Variants in CSMD2 observed in about 807,000 individuals in gnomAD.
CSMD2 encodes CUB and sushi domain-containing protein 2.
CSMD2 carries 130 observed loss-of-function variants against 398.5 expected under a neutral mutation model. The observed-to-expected ratio is 0.33, with a 90% CI of 0.28 to 0.38. The LOEUF (loss-of-function observed/expected upper bound fraction) is 0.38, where lower values mean the gene tolerates loss of function less well. Among genes scored for constraint, CSMD2 ranks in the 10% least tolerant of loss-of-function variants. The pLI is 1.00. For missense variants in CSMD2, 3,829 were observed against 4,764.9 expected (o/e 0.80, Z 5.78); for synonymous variants, 1,828 against 1,908.5 (o/e 0.96, Z 1.10).
At chr1:33,956,911 C>T (rs1344235693) in intron 3 of CSMD2, among the ~76,000 whole-genome samples, 1 of 152,090 alleles carries the variant, frequency 6.6e-6, no homozygotes, top group Non-Finnish European at 1.5e-5. Flanking sequence ...ACCCTCCTGT[C>T]CTGGACCTGC....
chr1:33,684,972 C>G (rs1645020601), intron 25 of CSMD2, among the ~76,000 whole-genome samples: 1 of 152,248 alleles, frequency 6.6e-6, no homozygotes, highest in Admixed American at 6.5e-5. Flanking sequence ...TATTGAGGCT[C>G]TAAAAGCAAA....
chr1:34,047,934 T>C lies in CSMD2; in HGVS notation c.405-15228A>G, dbSNP rs115440143. On this transcript the variant is annotated intron_variant, in intron 2 of 70. Coordinates refer to ENST00000373381, the MANE Select transcript of CSMD2 (RefSeq NM_001281956.2). The stretch of plus-strand genomic sequence containing the variant: ...CCACTTGTTTGCCATGACTGCTTAA[T>C]TACCAGTCTCCCCAAGAGAGGGGAT... 7.1e-3 allele frequency among the ~76,000 whole-genome samples: 1,079 copies of C among 152,352 alleles called. 10 individuals carry two copies. The highest frequency in any genetic ancestry group is 0.011 in the Non-Finnish European group (716 of 68,034).
intron 44 of CSMD2, among the ~76,000 whole-genome samples, chr1:33,593,214 CTGT>C (rs777026427): frequency 3.9e-5 from 6 of 152,138 alleles, no homozygotes; most frequent in Non-Finnish European, 5.9e-5. Flanking sequence ...TTGATTGTTA[CTGT>C]TGTTGTTTAT....
chr1:33,758,982 G>A (rs568984143), intron 13 of CSMD2, among the ~76,000 whole-genome samples: 3 of 152,292 alleles, frequency 2.0e-5, no homozygotes, highest in East Asian at 3.9e-4. Flanking sequence ...CTTGAGATAT[G>A]AGTAATAAAT....
In CSMD2 at chr1:33,515,422, A is replaced by C. The variant is rs1653676229; in HGVS notation, c.*1202T>G. On this transcript the variant is annotated 3_prime_UTR_variant, in exon 71 of 71. Coordinates refer to ENST00000373381, the MANE Select transcript of CSMD2 (RefSeq NM_001281956.2). Reference sequence around the variant, plus strand: ...GGCCACAGTGCTACTGTAGAGATTCATCGGCTCCTCCCTTCTTAGCTGCCC... The same window carrying C: ...GGCCACAGTGCTACTGTAGAGATTCCTCGGCTCCTCCCTTCTTAGCTGCCC... 1 of 152,242 alleles carries C rather than the reference A, an allele frequency of 6.6e-6. No homozygotes were observed. The highest frequency in any genetic ancestry group is 1.5e-5 in the Non-Finnish European group (1 of 68,080). The allele number at this position is 152,242 out of a possible 1,614,324, so 9.4% of individuals were successfully genotyped here.
chr1:33,957,832 C>T (rs1408951111), intron 3 of CSMD2, among the ~76,000 whole-genome samples: 2 of 152,068 alleles, frequency 1.3e-5, no homozygotes, highest in African/African-American at 4.8e-5. Context: ...GTAGAGACAC[C>T]GAACAGAACC....
At chr1:34,000,341 C>T (rs2148029963) in intron 3 of CSMD2, among the ~76,000 whole-genome samples, 1 of 152,150 alleles carries the variant, frequency 6.6e-6, no homozygotes, top group South Asian at 2.1e-4. Context: ...TGCCTTTTCA[C>T]CCGAATGATG....
chr1:33,669,077 T>C (rs1362136160), intron 25 of CSMD2, among the ~76,000 whole-genome samples: 1 of 152,212 alleles, frequency 6.6e-6, no homozygotes, highest in Non-Finnish European at 1.5e-5. Flanking sequence ...GTTGAGAGTG[T>C]ATTCTCACTA....
intron 2 of CSMD2, among the ~76,000 whole-genome samples, chr1:34,042,496 G>T (rs1429447598): frequency 2.6e-5 from 4 of 152,294 alleles, no homozygotes; most frequent in African/African-American, 9.6e-5. Flanking sequence ...TTGTCTCTGT[G>T]CTGCCCCAAA....
In CSMD2 at chr1:33,782,985, G is replaced by A. The variant is rs1652987344; in HGVS notation, c.1663+5615C>T. Among the ~76,000 whole-genome samples, 9 of 152,174 alleles carry A rather than the reference G, an allele frequency of 5.9e-5. No homozygotes were observed. The South Asian group carries it at 1.7e-3, about 28-fold the overall frequency. ...GAGTGAGAGGACTAGAGCCAGCGAT[G>A]CTGGTTGGGAAGACTCTGCCACTAT... is the stretch of plus-strand genomic sequence containing the variant. On this transcript the variant is annotated intron_variant, in intron 12 of 70. Transcript: ENST00000373381.
intron 2 of CSMD2, among the ~76,000 whole-genome samples, chr1:34,077,456 C>CA (rs34856451): frequency 0.36 from 10,206 of 28,372 alleles, 2,535 homozygotes; most frequent in African/African-American, 0.39. Flanking sequence ...AACTCCGTCT[C>CA]AAAAAAAAAA....
rs1654003858 is a variant in CSMD2 at position 33,518,969 on chromosome 1, A to G, written c.*53+496T>C. On this transcript the variant is annotated intron_variant, in intron 70 of 70. Transcript: ENST00000373381. This position sits in a 1 kb window ranked among gnomAD's most constrained non-coding sequence, Gnocchi z 4.3. ...GTGTATGAATGTATATATATACACAATATACCTATATACACAGATATATGT... is the reference window on the plus strand; with the variant it reads ...GTGTATGAATGTATATATATACACAGTATACCTATATACACAGATATATGT... Among the ~76,000 whole-genome samples the G allele has an allele frequency of 6.6e-6, 1 of 152,196 alleles. No individual in the cohort carries two copies. Among genetic ancestry groups the G allele is most frequent in the Non-Finnish European group, 1.5e-5 (1 of 68,036 alleles).
intron 29 of CSMD2, among the ~76,000 whole-genome samples, chr1:33,639,820 A>G (rs530919557): frequency 6.6e-6 from 1 of 152,344 alleles, no homozygotes; most frequent in Non-Finnish European, 1.5e-5. Flanking sequence ...AATGACAGTG[A>G]TGATAGCCCC....
chr1:34,148,696 T>G (rs1208654811), intron 1 of CSMD2, among the ~76,000 whole-genome samples: 1 of 152,134 alleles, frequency 6.6e-6, no homozygotes, highest in Non-Finnish European at 1.5e-5. Context: ...AAGCATGACT[T>G]TGAAGTCAGG....
chr1:33,750,867 G>T (rs763966727), intron 13 of CSMD2, among the ~76,000 whole-genome samples: 12 of 152,084 alleles, frequency 7.9e-5, no homozygotes, highest in Non-Finnish European at 1.8e-4. Context: ...GGCAAGGAAG[G>T]ACTTTATTAG....
Position 33,734,501 on chromosome 1 carries a change from C to A in CSMD2, c.2368+4639G>T, listed in dbSNP as rs114194470. On this transcript the variant is annotated intron_variant, in intron 15 of 70. Transcript: ENST00000373381. Reference sequence around the variant, plus strand: ...CTTTAAAATTTAAAAAATGAAAATACAGGGGCCAGGTGTGGTGGCTCAAGC... The same window carrying A: ...CTTTAAAATTTAAAAAATGAAAATAAAGGGGCCAGGTGTGGTGGCTCAAGC... Among the ~76,000 whole-genome samples, 392 of 151,976 alleles carry A rather than the reference C, an allele frequency of 2.6e-3. 3 individuals are homozygous for A. Among genetic ancestry groups the A allele is most frequent in the African/African-American group, 9.1e-3 (378 of 41,478 alleles).
At chr1:33,951,879 G>A (rs762723797) in intron 3 of CSMD2, among the ~76,000 whole-genome samples, 3 of 152,052 alleles carry the variant, frequency 2.0e-5, no homozygotes, top group African/African-American at 7.2e-5. Context: ...GCCCTTTCAC[G>A]CCCCTTGGCC....
chr1:34,101,577 T>C (rs112885531), intron 1 of CSMD2, among the ~76,000 whole-genome samples: 40 of 152,336 alleles, frequency 2.6e-4, no homozygotes, highest in African/African-American at 9.1e-4. Flanking sequence ...TGCCTGCTTA[T>C]TAGGTGCAAA....
At position 33,957,555 on chromosome 1, in the gene CSMD2, T is replaced by C. The variant is rs376945336; in HGVS notation, c.518-21601A>G. Reference sequence around the variant, plus strand: ...TCAAAGGGGCTGTGAGTGAACAAGTTTCATGCCTTATAGGTCTGTGTGTTC... The same window carrying C: ...TCAAAGGGGCTGTGAGTGAACAAGTCTCATGCCTTATAGGTCTGTGTGTTC... On this transcript the variant is annotated intron_variant, in intron 3 of 70. Transcript: ENST00000373381. Among the ~76,000 whole-genome samples the C allele has an allele frequency of 1.1e-4, 17 of 152,332 alleles. No homozygotes were observed. In the East Asian group the frequency reaches 1.7e-3, roughly 16 times the overall value.
Sources: allele counts gnomAD v4.1 joint callset (sites outside exome capture counted in the v4.1 genomes callset), GRCh38; gene constraint gnomAD v4.1.1; non-coding constraint Gnocchi (gnomAD v3.1); transcripts MANE v1.5; gene names NCBI Gene and HGNC (gene_info 2026-07-23, HGNC 2026-07-21).